Variants in NDST4 observed in about 807,000 individuals in gnomAD.
NDST4 encodes N-heparan sulfate sulfotransferase 4.
In NDST4, 63 loss-of-function variants were observed where a neutral mutation model predicts 100.8. The observed-to-expected ratio is 0.62, with a 90% CI of 0.51 to 0.77. The LOEUF is 0.77. NDST4 is among the 30% of genes least tolerant of loss of function. The probability of loss-of-function intolerance (pLI) is 0.00; values close to 1 mark genes in which losing one functional copy is unlikely to be tolerated. For missense variants in NDST4, 943 were observed against 1,018.4 expected, an observed-to-expected ratio of 0.93 and a Z score of 1.01; for synonymous variants, 377 against 361.8, an observed-to-expected ratio of 1.04 and a Z score of -0.48.
chr4:115,072,681 AC>A (rs1479100865), intron 2 of NDST4, among the ~76,000 whole-genome samples: 6 of 152,120 alleles, frequency 3.9e-5, no homozygotes, highest in South Asian at 2.1e-4. Context: ...ATATAAAAAA[AC>A]AACTTAAAAT....
intron 6 of NDST4, among the ~76,000 whole-genome samples, chr4:114,897,697 A>G (rs1724746325): frequency 6.6e-6 from 1 of 152,186 alleles, no homozygotes; most frequent in African/African-American, 2.4e-5. Flanking sequence ...CCCACCAGCA[A>G]TGAATGAGAG....
rs142572802 is a variant in NDST4 at position 115,076,018 on chromosome 4, TGTGAAA to T, written c.978+35_978+40del. The T allele has an allele frequency of 2.1e-3, 3,340 of 1,555,392 alleles. 57 individuals carry two copies. The African/African-American group carries it at 0.041, about 19-fold the overall frequency. On this transcript the variant is annotated intron_variant, in intron 2 of 13. Coordinates refer to ENST00000264363, the MANE Select transcript of NDST4 (RefSeq NM_022569.3). ...TAGTAATATTTTATCGGTACCATAT[TGTGAAA>T]TACAAATTTCGATGTTGTCTATAAA...
chr4:115,037,863 C>T lies in NDST4; in HGVS notation c.978+38196G>A, dbSNP rs538497260. Among the ~76,000 whole-genome samples the T allele has an allele frequency of 3.3e-5, 5 of 152,126 alleles. No homozygotes were observed. The South Asian group carries it at 1.0e-3, about 32-fold the overall frequency. Reference sequence around the variant, plus strand: ...ACACTTAAATTATAGAAGAAAAAAACTGTGAGTAAATATTTGAAAAGAGTA... The same window carrying T: ...ACACTTAAATTATAGAAGAAAAAAATTGTGAGTAAATATTTGAAAAGAGTA... On this transcript the variant is annotated intron_variant, in intron 2 of 13. Transcript: ENST00000264363.
At chr4:114,970,730 G>T in intron 3 of NDST4, 146 bp from the exon 4 acceptor site, 1 of 714,660 alleles carries the variant, frequency 1.4e-6, no homozygotes, top group Non-Finnish European at 2.2e-6. Context: ...AAAGACCACA[G>T]TCTAAAATGA....
chr4:115,076,810 G>A lies in NDST4; in HGVS notation c.227C>T (p.Thr76Met), dbSNP rs761881744. ...CACGAAGAGAAGGACAGTAGGGTCC[G>A]TTTTGGATGTGTCAATAGGTTTAAC... ...KTVKPIDTSK[T>M]DPTVLLFVES... The change falls in exon 2 of 14, where the codon ACG becomes ATG. Residue 76 changes from threonine (T) to methionine (M), a missense_variant. Around this residue, in one of 2 missense-constraint regions of NDST4, gnomAD observed 417 missense variants for 384.2 expected, o/e 1.09. Transcript: ENST00000264363. 19 of 1,613,902 alleles carry A rather than the reference G, an allele frequency of 1.2e-5. No homozygotes were observed. The highest frequency in any genetic ancestry group is 3.3e-5 in the South Asian group (3 of 91,066).
chr4:115,029,624 A>G lies in NDST4; in HGVS notation c.978+46435T>C, dbSNP rs532381450. Among the ~76,000 whole-genome samples the G allele has an allele frequency of 4.6e-5, 7 of 152,146 alleles. No individual in the cohort carries two copies. In the South Asian group the frequency reaches 1.5e-3, roughly 32 times the overall value. ...ATGATGTGGGGGCCGTTAGAAGACAATGGAATAGGTTGAGGTTCATACAGG... is the reference window on the plus strand; with the variant it reads ...ATGATGTGGGGGCCGTTAGAAGACAGTGGAATAGGTTGAGGTTCATACAGG... On this transcript the variant is annotated intron_variant, in intron 2 of 13. Coordinates refer to ENST00000264363, the MANE Select transcript of NDST4 (RefSeq NM_022569.3).
At chr4:115,108,694 A>C (rs1729880807) in intron 1 of NDST4, among the ~76,000 whole-genome samples, 1 of 152,004 alleles carries the variant, frequency 6.6e-6, no homozygotes, top group Non-Finnish European at 1.5e-5. Flanking sequence ...ATGGAAATTT[A>C]TAGGTGGAAG....
intron 2 of NDST4, among the ~76,000 whole-genome samples, chr4:115,048,174 G>T (rs1051632597): frequency 6.7e-6 from 1 of 149,882 alleles, no homozygotes; most frequent in East Asian, 2.0e-4. Context: ...TTTTAATTTT[G>T]TTTTGTTTGT....
chr4:114,844,485 C>T (rs1395795006), intron 10 of NDST4, among the ~76,000 whole-genome samples: 1 of 152,148 alleles, frequency 6.6e-6, no homozygotes, highest in Non-Finnish European at 1.5e-5. Context: ...ATATCCAATG[C>T]GTTTAACATA....
intron 2 of NDST4, among the ~76,000 whole-genome samples, chr4:115,001,792 G>A (rs1022752686): frequency 6.6e-6 from 1 of 152,062 alleles, no homozygotes; most frequent in Non-Finnish European, 1.5e-5. Context: ...ATGACTTGCA[G>A]CTTTCAATTT....
At chr4:114,930,932 A>C (rs576336427) in intron 6 of NDST4, among the ~76,000 whole-genome samples, 22 of 151,506 alleles carry the variant, frequency 1.5e-4, no homozygotes, top group African/African-American at 3.6e-4. Context: ...TTTGATTCCC[A>C]AAAAAAAATT....
intron 2 of NDST4, among the ~76,000 whole-genome samples, chr4:114,984,425 T>G (rs917671335): frequency 1.5e-5 from 2 of 129,978 alleles, no homozygotes; most frequent in Non-Finnish European, 1.6e-5. Context: ...GATCCACCCA[T>G]CCCAAAGTGC....
intron 2 of NDST4, among the ~76,000 whole-genome samples, chr4:115,009,060 C>G (rs1281428396): frequency 4.0e-5 from 5 of 125,842 alleles, no homozygotes; most frequent in Non-Finnish European, 8.5e-5. Context: ...GAAGAACATT[C>G]CATGCTCATG....
At chr4:114,995,146 G>A (rs1293875121) in intron 2 of NDST4, among the ~76,000 whole-genome samples, 1 of 151,944 alleles carries the variant, frequency 6.6e-6, no homozygotes, top group Non-Finnish European at 1.5e-5. Flanking sequence ...TTTCACCTAA[G>A]CCGAGTAGAA....
In NDST4 at chr4:114,933,432, CTTTT is replaced by C. The variant is rs367931653; in HGVS notation, c.1536+1770_1536+1773del. 6.5e-3 allele frequency among the ~76,000 whole-genome samples: 579 copies of C among 89,260 alleles called. 1 individual carries two copies. The highest frequency in any genetic ancestry group is 0.019 in the African/African-American group (421 of 22,164). The allele number at this position is 89,260 out of a possible 152,430, so 58.6% of individuals were successfully genotyped here. A position where few individuals can be genotyped will look rare whatever the true frequency, so the allele number is the denominator to read the frequency against. ...GACTGGGAATTGATTTTTTCTTTTC[CTTTT>C]TTTTTTTTTTTTTTTTTTGTGTGTA... On this transcript the variant is annotated intron_variant, in intron 6 of 13. Transcript: ENST00000264363.
intron 6 of NDST4, among the ~76,000 whole-genome samples, chr4:114,901,879 C>T (rs1397083734): frequency 6.6e-6 from 1 of 151,628 alleles, no homozygotes; most frequent in Non-Finnish European, 1.5e-5. Context: ...TTCCAATATA[C>T]ATTTACAATT....
intron 4 of NDST4, among the ~76,000 whole-genome samples, chr4:114,939,716 T>G (rs1725707427): frequency 6.6e-6 from 1 of 150,448 alleles, no homozygotes. Context: ...ATTGATTCGG[T>G]GAGTAGGAAG....
intron 6 of NDST4, among the ~76,000 whole-genome samples, chr4:114,904,280 CAACT>C (rs1469774907): frequency 6.6e-6 from 1 of 151,830 alleles, no homozygotes; most frequent in Non-Finnish European, 1.5e-5. Flanking sequence ...TTTCCTTTCA[CAACT>C]AACAGAATAA....
chr4:114,996,826 T>C (rs1727175891), intron 2 of NDST4, among the ~76,000 whole-genome samples: 1 of 152,042 alleles, frequency 6.6e-6, no homozygotes, highest in Admixed American at 6.6e-5. Context: ...AATTAGAAAA[T>C]GATTCTAGAT....
Sources: allele counts gnomAD v4.1 joint callset (sites outside exome capture counted in the v4.1 genomes callset), GRCh38; gene constraint gnomAD v4.1.1; regional missense constraint gnomAD v4.1.1; transcripts MANE v1.5; gene names NCBI Gene and HGNC (gene_info 2026-07-23, HGNC 2026-07-21).